Variants in TANGO6 observed in about 807,000 individuals in gnomAD.
TANGO6 encodes transport and golgi organization 6 homolog, also known as transport and Golgi organization protein 6 homolog.
Under a neutral mutation model 114.2 loss-of-function variants are expected in TANGO6, and 90 were observed. The ratio of observed to expected loss-of-function variants is 0.79; its 90% CI spans 0.66 to 0.94. The LOEUF is 0.94. Among genes scored for constraint, TANGO6 ranks in the 40% least tolerant of loss-of-function variants. The pLI is 0.00. For missense variants in TANGO6, 1,274 were observed against 1,315.3 expected (o/e 0.97, Z 0.49); for synonymous variants, 477 against 509.8 (o/e 0.94, Z 0.87).
chr16:68,890,292 A>G (rs1416812897), intron 7 of TANGO6, among the ~76,000 whole-genome samples: 1 of 152,250 alleles, frequency 6.6e-6, no homozygotes, highest in Non-Finnish European at 1.5e-5. Flanking sequence ...GAAGAAATCT[A>G]ACATTTGTAT....
chr16:68,980,440 T>A lies in TANGO6; in HGVS notation c.2842+6272T>A, dbSNP rs1371468479. Among the ~76,000 whole-genome samples the A allele has an allele frequency of 5.7e-3, 748 of 131,462 alleles. 4 individuals carry two copies. Among genetic ancestry groups the A allele is most frequent in the Non-Finnish European group, 8.2e-3 (508 of 62,194 alleles). The allele number at this position is 131,462 out of a possible 152,430, so 86.2% of individuals were successfully genotyped here. The stretch of plus-strand genomic sequence containing the variant: ...ATATATATATATATATATATATTTT[T>A]TTTTTTTTTTTTGAGATAGGGTCTT... On this transcript the variant is annotated intron_variant, in intron 15 of 17. Coordinates refer to ENST00000261778, the MANE Select transcript of TANGO6 (RefSeq NM_024562.2).
intron 6 of TANGO6, among the ~76,000 whole-genome samples, chr16:68,878,799 G>C (rs575528982): frequency 6.6e-6 from 1 of 151,894 alleles, no homozygotes; most frequent in Admixed American, 6.6e-5. Context: ...ATGGCTGGGC[G>C]TGGTGGCTCA....
chr16:68,948,024 G>GATATATATATATAT (rs112762612), intron 14 of TANGO6, among the ~76,000 whole-genome samples: 13 of 147,678 alleles, frequency 8.8e-5, no homozygotes, highest in East Asian at 6.0e-4. Flanking sequence ...CAGTGCAGCT[G>GATATATATATATAT]ATATATATAT....
chr16:68,919,742 T>G (rs147691605), intron 12 of TANGO6, among the ~76,000 whole-genome samples: 2 of 152,304 alleles, frequency 1.3e-5, no homozygotes, highest in Admixed American at 1.3e-4. Context: ...TTTATTTTTT[T>G]AAACACTACA....
At chr16:69,011,258 G>A (rs935630690) in intron 15 of TANGO6, among the ~76,000 whole-genome samples, 1 of 152,138 alleles carries the variant, frequency 6.6e-6, no homozygotes, top group Admixed American at 6.6e-5. Context: ...AAAAGGGGGG[G>A]CAGGAGGAGA....
At chr16:69,031,061 T>G (rs1055500605) in intron 16 of TANGO6, among the ~76,000 whole-genome samples, 3 of 151,776 alleles carry the variant, frequency 2.0e-5, no homozygotes, top group African/African-American at 4.8e-5. Flanking sequence ...TCTCAAAAAA[T>G]AAAATTAAAT....
chr16:68,998,954 C>T (rs1964016953), intron 15 of TANGO6, among the ~76,000 whole-genome samples: 1 of 151,864 alleles, frequency 6.6e-6, no homozygotes. Flanking sequence ...ACAATCTTGG[C>T]TCACTGCAGC....
At chr16:68,972,893 C>T (rs981386956) in intron 14 of TANGO6, 18 of 272,398 alleles carry the variant, frequency 6.6e-5, no homozygotes, top group Admixed American at 5.7e-4. Context: ...GGAGCAGCAG[C>T]AGATGCAGAG....
At chr16:68,997,735 A>G (rs1470346201) in intron 15 of TANGO6, among the ~76,000 whole-genome samples, 1 of 152,172 alleles carries the variant, frequency 6.6e-6, no homozygotes, top group Non-Finnish European at 1.5e-5. Context: ...GCAGCCCAGC[A>G]GGTCTCATCC....
chr16:68,881,340 C>G (rs1962459461), intron 7 of TANGO6, among the ~76,000 whole-genome samples: 1 of 151,940 alleles, frequency 6.6e-6, no homozygotes, highest in African/African-American at 2.4e-5. Flanking sequence ...ATGGCGAAAC[C>G]CTATCTCTAC....
intron 14 of TANGO6, among the ~76,000 whole-genome samples, chr16:68,945,497 C>G (rs1455142893): frequency 1.3e-5 from 2 of 152,112 alleles, no homozygotes; most frequent in Non-Finnish European, 2.9e-5. Flanking sequence ...CCTCTCAACT[C>G]TTAGGTGGGT....
intron 1 of TANGO6, among the ~76,000 whole-genome samples, chr16:68,845,589 C>A (rs943752520): frequency 4.6e-5 from 7 of 152,108 alleles, no homozygotes; most frequent in South Asian, 2.1e-4. Context: ...GTGGGCCATA[C>A]CTGTAATCCC....
At chr16:68,881,467 T>C (rs1033687305) in intron 7 of TANGO6, among the ~76,000 whole-genome samples, 20 of 152,170 alleles carry the variant, frequency 1.3e-4, no homozygotes, top group Admixed American at 1.3e-4. Context: ...TGTGCCGATA[T>C]CATGCCACTG....
intron 15 of TANGO6, among the ~76,000 whole-genome samples, chr16:68,987,983 A>G (rs1963912250): frequency 6.6e-6 from 1 of 151,952 alleles, no homozygotes; most frequent in Non-Finnish European, 1.5e-5. Context: ...ATCTTTTTGC[A>G]TTTTTTAATT....
intron 13 of TANGO6, among the ~76,000 whole-genome samples, chr16:68,928,727 G>A (rs976948780): frequency 2.0e-5 from 3 of 152,066 alleles, no homozygotes; most frequent in Non-Finnish European, 4.4e-5. Context: ...TGAAAGAGGG[G>A]TGGGATAGCT....
At chr16:69,000,358 C>A (rs912836190) in intron 15 of TANGO6, among the ~76,000 whole-genome samples, 1 of 152,082 alleles carries the variant, frequency 6.6e-6, no homozygotes, top group Admixed American at 6.6e-5. Context: ...ATTTTGGGAA[C>A]TTGTCAAATA....
At chr16:69,006,642 T>G (rs1053586482) in intron 15 of TANGO6, among the ~76,000 whole-genome samples, 3 of 151,904 alleles carry the variant, frequency 2.0e-5, no homozygotes, top group South Asian at 2.1e-4. Context: ...TCCCATCTAC[T>G]CTGGAGGCTG....
At chr16:69,075,123 A>G (rs1165315492) in intron 17 of TANGO6, among the ~76,000 whole-genome samples, 1 of 151,088 alleles carries the variant, frequency 6.6e-6, no homozygotes, top group African/African-American at 2.4e-5. Flanking sequence ...GATTACAGGT[A>G]TAAGCCACTG....
intron 13 of TANGO6, 68 bp from the exon 14 acceptor site, chr16:68,930,170 A>C (rs1597025368): frequency 3.6e-6 from 5 of 1,382,482 alleles, no homozygotes; most frequent in East Asian, 2.5e-5. Context: ...TGAGCTGCTG[A>C]TAAGGGAGCC....
Sources: allele counts gnomAD v4.1 joint callset (sites outside exome capture counted in the v4.1 genomes callset), GRCh38; gene constraint gnomAD v4.1.1; transcripts MANE v1.5; gene names NCBI Gene and HGNC (gene_info 2026-07-23, HGNC 2026-07-21).